Variants in PCDHA12 observed in about 807,000 individuals in gnomAD.
PCDHA12 encodes protocadherin alpha-12.
PCDHA12 carries 44 observed loss-of-function variants against 60.0 expected under a neutral mutation model. The ratio of observed to expected loss-of-function variants is 0.73; its 90% confidence interval spans 0.58 to 0.94. The LOEUF is 0.94. PCDHA12 is among the 40% of genes least tolerant of loss of function. PCDHA12 has a pLI of 0.00. For missense variants in PCDHA12, 1,276 were observed against 1,239.7 expected, an observed-to-expected ratio of 1.03 and a Z score of -0.44; for synonymous variants, 569 against 553.0, an observed-to-expected ratio of 1.03 and a Z score of -0.40.
rs1339173132 is a variant in PCDHA12 at position 140,877,134 on chromosome 5, C to T, written c.1662C>T (p.Phe554=). The T allele has an allele frequency of 1.4e-5, 22 of 1,613,594 alleles. No homozygotes were observed. Among genetic ancestry groups the T allele is most frequent in the Non-Finnish European group, 1.8e-5 (21 of 1,179,862 alleles). Residue 554 remains phenylalanine, a synonymous_variant, in exon 1 of 4, where the codon TTC becomes TTT. Transcript: ENST00000398631. ...PLGSNVTLQV[F]VLDENDNAPA... The stretch of plus-strand genomic sequence containing the variant: ...GCAGCAACGTGACGCTGCAGGTGTT[C>T]GTGCTGGACGAGAACGACAACGCGC...
At chr5:140,951,941 C>T (rs576414648) in intron 1 of PCDHA12, among the ~76,000 whole-genome samples, 8 of 152,220 alleles carry the variant, frequency 5.3e-5, no homozygotes, top group African/African-American at 1.4e-4. Flanking sequence ...AGATACAGTG[C>T]GGGTACAGGC....
Position 140,875,349 on chromosome 5 carries a change from C to G in PCDHA12, c.-124C>G. 6.9e-7 allele frequency: 1 copy of G among 1,444,894 alleles called. No individual in the cohort carries two copies. Among genetic ancestry groups the G allele is most frequent in the Non-Finnish European group, 9.1e-7 (1 of 1,101,958 alleles). 89.5% of individuals were successfully genotyped at this position (1,444,894 alleles called of 1,614,324 possible). ...CGGAATAGGATCGACTCCATAATGA[C>G]TGTGATGCTGGAAAAAATTTACTAA... On this transcript the variant is annotated 5_prime_UTR_variant, in exon 1 of 4. Coordinates refer to ENST00000398631, the MANE Select transcript of PCDHA12 (RefSeq NM_018903.4).
At chr5:140,903,675 A>G (rs1554191078) in intron 1 of PCDHA12, among the ~76,000 whole-genome samples, 2 of 152,244 alleles carry the variant, frequency 1.3e-5, no homozygotes, top group Non-Finnish European at 2.9e-5. Flanking sequence ...GATATAAAAG[A>G]TGTTTGGTAA....
At chr5:140,893,616 G>C (rs1431019657) in intron 1 of PCDHA12, among the ~76,000 whole-genome samples, 3 of 152,188 alleles carry the variant, frequency 2.0e-5, no homozygotes, top group African/African-American at 7.2e-5. Context: ...CATTTCTGAA[G>C]TATAGCTCTG....
chr5:140,977,442 T>C (rs746141638), intron 1 of PCDHA12, among the ~76,000 whole-genome samples: 1 of 152,186 alleles, frequency 6.6e-6, no homozygotes. Flanking sequence ...TAGTAGATAA[T>C]GGAAACTCCT....
chr5:140,879,612 G>T (rs1554170881), intron 1 of PCDHA12, among the ~76,000 whole-genome samples: 1 of 152,172 alleles, frequency 6.6e-6, no homozygotes, highest in East Asian at 1.9e-4. Context: ...ATGTGTCCAG[G>T]TACTTAGGTG....
rs782574302 is a variant in PCDHA12, at chr5:140,877,432, C to A, written c.1960C>A (p.His654Asn). Residue 654 changes from histidine (H) to asparagine (N), a missense_variant, in exon 1 of 4, where the codon CAC becomes AAC. Physicochemically the swap from His to Asn is moderately conservative, Grantham distance 68. Transcript: ENST00000398631. Reference sequence around the variant, plus strand: ...CCGCCTGCTGGTGCTGGTGAAGGACCACGGTGAGCCCGCGCTGACGTCCAC... The same window carrying A: ...CCGCCTGCTGGTGCTGGTGAAGGACAACGGTGAGCCCGCGCTGACGTCCAC... ...RHRLLVLVKD[H>N]GEPALTSTAT... is the part of the protein sequence containing the mutation. The A allele has an allele frequency of 6.2e-7, 1 of 1,613,874 alleles. No individual in the cohort carries two copies. Among genetic ancestry groups the A allele is most frequent in the Non-Finnish European group, 8.5e-7 (1 of 1,179,868 alleles).
In PCDHA12 at chr5:140,883,616, G is replaced by GACAAC; in HGVS notation, c.2367+5778_2367+5782dup. On this transcript the variant is annotated intron_variant, in intron 1 of 3. Coordinates refer to ENST00000398631, the MANE Select transcript of PCDHA12 (RefSeq NM_018903.4). ...GTCGGTGGGGGTGGCCGACGTGAAC[G>GACAAC]ACAACGCGCCGGCGTTCGCGCAGCC... The GACAAC allele has an allele frequency of 3.1e-6, 5 of 1,614,014 alleles. No homozygotes were observed. The South Asian group carries it at 5.5e-5, about 18-fold the overall frequency.
chr5:141,003,741 A>G (rs1291595687), intron 3 of PCDHA12, among the ~76,000 whole-genome samples: 5 of 152,180 alleles, frequency 3.3e-5, no homozygotes, highest in South Asian at 2.1e-4. Flanking sequence ...AAGCAAAACC[A>G]TATTTTGTAT....
intron 1 of PCDHA12, among the ~76,000 whole-genome samples, chr5:140,911,469 A>T (rs1365800005): frequency 3.3e-5 from 5 of 151,880 alleles, no homozygotes; most frequent in African/African-American, 9.7e-5. Context: ...AGGAGATAAG[A>T]CTCTCACTCA....
intron 1 of PCDHA12, among the ~76,000 whole-genome samples, chr5:140,888,562 G>C (rs781854673): frequency 9.2e-5 from 14 of 152,112 alleles, no homozygotes; most frequent in Non-Finnish European, 1.8e-4. Context: ...TCCTTTCAAG[G>C]CTTCATTTTA....
intron 3 of PCDHA12, among the ~76,000 whole-genome samples, chr5:140,991,311 G>A (rs1036350235): frequency 3.3e-5 from 5 of 152,108 alleles, no homozygotes; most frequent in Admixed American, 2.0e-4. Context: ...ATCTTGTCCC[G>A]CATGATACAT....
chr5:140,927,317 G>T (rs782172424), intron 1 of PCDHA12: 3 of 1,614,146 alleles, frequency 1.9e-6, no homozygotes, highest in Admixed American at 1.7e-5. Flanking sequence ...CCCGGAGCCC[G>T]CTTTACTCTC....
At chr5:140,945,424 A>T (rs1227744054) in intron 1 of PCDHA12, among the ~76,000 whole-genome samples, 1 of 152,116 alleles carries the variant, frequency 6.6e-6, no homozygotes, top group Non-Finnish European at 1.5e-5. Context: ...ATTTCAATGA[A>T]GTTTTTACAG....
At chr5:140,884,651 T>C in intron 1 of PCDHA12, 1 of 1,604,404 alleles carries the variant, frequency 6.2e-7, no homozygotes. Context: ...GGACTCAGAA[T>C]GCTTGAAAGA....
chr5:140,980,359 C>T (rs369647369), intron 2 of PCDHA12, among the ~76,000 whole-genome samples: 1 of 152,114 alleles, frequency 6.6e-6, no homozygotes. Context: ...GGACTGGGCG[C>T]GGTGGCTCAC....
At chr5:140,995,837 C>T (rs1554254841) in intron 3 of PCDHA12, among the ~76,000 whole-genome samples, 2 of 152,158 alleles carry the variant, frequency 1.3e-5, no homozygotes, top group Non-Finnish European at 2.9e-5. Context: ...TGCACAGTGC[C>T]TCACATTTCT....
chr5:140,876,697 C>T lies in PCDHA12; in HGVS notation c.1225C>T (p.Leu409=). The change falls in exon 1 of 4, where the codon CTG becomes TTG. Residue 409 remains leucine, a synonymous_variant. Coordinates refer to ENST00000398631, the MANE Select transcript of PCDHA12 (RefSeq NM_018903.4). ...STYKNYYSLV[L]DSALDRESVS... The stretch of plus-strand genomic sequence containing the variant: ...CTACAAGAATTACTACTCGTTGGTG[C>T]TGGACAGCGCCCTGGACCGCGAGAG... 2 of 1,614,226 alleles carry T rather than the reference C, an allele frequency of 1.2e-6. No homozygotes were observed. Among genetic ancestry groups the T allele is most frequent in the Middle Eastern group, 1.6e-4 (1 of 6,062 alleles).
chr5:140,932,373 A>T (rs927239233), intron 1 of PCDHA12, among the ~76,000 whole-genome samples: 1 of 151,942 alleles, frequency 6.6e-6, no homozygotes, highest in Non-Finnish European at 1.5e-5. Flanking sequence ...AAATTTCCAC[A>T]TGAAAGTTAT....
Sources: gnomAD v4.1 joint callset for allele counts (sites outside exome capture counted in the v4.1 genomes callset) on GRCh38, gnomAD v4.1.1 for gene constraint, MANE v1.5 for transcripts, NCBI Gene and HGNC (gene_info 2026-07-23, HGNC 2026-07-21) for gene names.